The following GSE1 variants were observed in gnomAD, a reference collection of about 807,000 sequenced individuals.
GSE1 encodes the protein genetic suppressor element 1.
GSE1 carries 32 observed loss-of-function variants against 112.6 expected under a neutral mutation model. That is an observed-to-expected ratio of 0.28 (90% CI 0.21 to 0.38). The LOEUF is 0.38. Ranked by LOEUF, GSE1 falls within the 10% of genes least tolerant of loss-of-function variation. The pLI, the probability that GSE1 is intolerant of heterozygous loss-of-function variation, is 1.00. For synonymous variants in GSE1, 1,115 were observed against 735.6 expected, an observed-to-expected ratio of 1.52 and a Z score of -8.35; for missense variants, 2,348 against 1,699.2, an observed-to-expected ratio of 1.38 and a Z score of -6.71.
chr16:85,300,556 G>A (rs2045494380), intron 1 of GSE1, among the ~76,000 whole-genome samples: 1 of 152,218 alleles, frequency 6.6e-6, no homozygotes, highest in South Asian at 2.1e-4. Context: ...GCGGCCTTTG[G>A]TGTCTGGCTG....
chr16:85,266,875 G>A (rs1189755337), intron 1 of GSE1, among the ~76,000 whole-genome samples: 2 of 152,110 alleles, frequency 1.3e-5, no homozygotes, highest in African/African-American at 2.4e-5. Flanking sequence ...AGTGGAAACC[G>A]ACCTCCACGT....
intron 4 of GSE1, among the ~76,000 whole-genome samples, 164 bp from the exon 5 acceptor site, chr16:85,654,630 G>T (rs2051746730): frequency 6.6e-6 from 1 of 152,120 alleles, no homozygotes; most frequent in Admixed American, 6.5e-5. Flanking sequence ...GGTGGCAGTG[G>T]CAGCTCGCTC....
chr16:85,533,310 C>T (rs2044196757), intron 2 of GSE1, among the ~76,000 whole-genome samples: 1 of 151,560 alleles, frequency 6.6e-6, no homozygotes, highest in Admixed American at 6.6e-5. Context: ...ATCCCAACTA[C>T]TCAGGAGGCT....
chr16:85,228,983 C>T (rs1275250146), intron 1 of GSE1, among the ~76,000 whole-genome samples: 1 of 152,222 alleles, frequency 6.6e-6, no homozygotes, highest in Non-Finnish European at 1.5e-5. Flanking sequence ...CAGGAGGGAA[C>T]AACTGTTCCT....
chr16:85,538,154 C>G (rs1369673454), intron 2 of GSE1, among the ~76,000 whole-genome samples: 1 of 152,220 alleles, frequency 6.6e-6, no homozygotes, highest in African/African-American at 2.4e-5. Flanking sequence ...GCACGCTGGC[C>G]GTTCTGAGCC....
chr16:85,634,294 C>G (rs1187278766), intron 2 of GSE1, among the ~76,000 whole-genome samples, 162 bp downstream of exon 2: 1 of 152,268 alleles, frequency 6.6e-6, no homozygotes, highest in African/African-American at 2.4e-5. Context: ...GACCCTGGGC[C>G]AGTCCGCCTG....
chr16:85,623,181 G>A (rs2048847275), intron 1 of GSE1, among the ~76,000 whole-genome samples: 1 of 151,546 alleles, frequency 6.6e-6, no homozygotes, highest in Non-Finnish European at 1.5e-5. Flanking sequence ...ATAAAAACAG[G>A]TTGAAGGGTA....
At chr16:85,627,657 C>T (rs954581465) in intron 1 of GSE1, among the ~76,000 whole-genome samples, 4 of 151,738 alleles carry the variant, frequency 2.6e-5, no homozygotes, top group Admixed American at 6.6e-5. Flanking sequence ...TTGTACAGTG[C>T]GGAGACAGCC....
intron 2 of GSE1, among the ~76,000 whole-genome samples, chr16:85,483,598 C>CT (rs2050748547): frequency 6.6e-6 from 1 of 152,292 alleles, no homozygotes; most frequent in African/African-American, 2.4e-5. Flanking sequence ...TCTCCGCCCT[C>CT]TTGGTAGGCC....
At chr16:85,434,017 G>C (rs118164648) in intron 2 of GSE1, among the ~76,000 whole-genome samples, 1 of 152,222 alleles carries the variant, frequency 6.6e-6, no homozygotes, top group Non-Finnish European at 1.5e-5. Context: ...GCTCAGCTGG[G>C]CACAACCCAA....
At position 85,674,527 on chromosome 16, in the gene GSE1, A is replaced by T. The variant is rs1043400850; in HGVS notation, c.*1988A>T. On this transcript the variant is annotated 3_prime_UTR_variant, in exon 16 of 16. Transcript: ENST00000253458. ...AAATCTCACTGGATTTCTCCACTGA[A>T]AACCTACTTGAGGTTTCTGGTCTGA... is the stretch of plus-strand genomic sequence containing the variant. 14 of 152,330 alleles carry T rather than the reference A, an allele frequency of 9.2e-5. No homozygotes were observed. The highest frequency in any genetic ancestry group is 3.4e-4 in the African/African-American group (14 of 41,560). The allele number at this position is 152,330 out of a possible 1,614,324, so 9.4% of individuals were successfully genotyped here.
intron 2 of GSE1, among the ~76,000 whole-genome samples, chr16:85,368,100 C>T (rs1467583712): frequency 4.6e-5 from 7 of 152,060 alleles, no homozygotes; most frequent in African/African-American, 4.8e-5. Flanking sequence ...GTGATCCACC[C>T]GCCTCAGCCT....
chr16:85,190,508 C>T (rs2143436110), intron 1 of GSE1, among the ~76,000 whole-genome samples: 1 of 152,314 alleles, frequency 6.6e-6, no homozygotes, highest in Non-Finnish European at 1.5e-5. Flanking sequence ...TTTCACTTGT[C>T]TTTGTATTTT....
At chr16:85,335,980 C>G (rs1447911684) in intron 1 of GSE1, among the ~76,000 whole-genome samples, 1 of 152,150 alleles carries the variant, frequency 6.6e-6, no homozygotes, top group Non-Finnish European at 1.5e-5. Flanking sequence ...CCCAGGAGGA[C>G]AGAGCCAGGG....
intron 2 of GSE1, among the ~76,000 whole-genome samples, chr16:85,432,217 C>G (rs1415843384): frequency 6.6e-6 from 1 of 152,234 alleles, no homozygotes; most frequent in Non-Finnish European, 1.5e-5. Context: ...CCAGAACATT[C>G]TGCCATTGGC....
chr16:85,254,479 C>G (rs1906853361), intron 1 of GSE1, among the ~76,000 whole-genome samples: 2 of 152,208 alleles, frequency 1.3e-5, no homozygotes, highest in African/African-American at 4.8e-5. Flanking sequence ...AGCATGACCC[C>G]CCCACTCGGA....
chr16:85,204,002 C>T (rs1179563682), intron 1 of GSE1, among the ~76,000 whole-genome samples: 1 of 152,166 alleles, frequency 6.6e-6, no homozygotes, highest in Non-Finnish European at 1.5e-5. Flanking sequence ...TGGGCTCAAG[C>T]AGTCTTTCTG....
chr16:85,397,158 A>T (rs2047985237), intron 2 of GSE1, among the ~76,000 whole-genome samples: 1 of 152,108 alleles, frequency 6.6e-6, no homozygotes, highest in Non-Finnish European at 1.5e-5. Context: ...GGGAGACTTG[A>T]TTTCCCACAC....
Position 85,656,434 on chromosome 16 carries a change from C to G in GSE1, c.1081C>G (p.Arg361Gly). The change falls in exon 7 of 16, where the codon CGT becomes GGT. Residue 361 changes from arginine to glycine, a missense_variant. Coordinates refer to ENST00000253458, the MANE Select transcript of GSE1 (RefSeq NM_014615.5). Reference protein sequence around the residue: ...READREREKEREREREKEREQ... With the variant: ...READREREKEGEREREKEREQ... ...GGCTGACCGCGAGCGGGAGAAGGAA[C>G]GTGAGCGCGAACGCGAGAAGGAGCG... 2 of 1,569,426 alleles carry G rather than the reference C, an allele frequency of 1.3e-6. No homozygotes were observed. Among genetic ancestry groups the G allele is most frequent in the Non-Finnish European group, 1.7e-6 (2 of 1,152,770 alleles).
Sources: gnomAD v4.1 joint callset for allele counts (sites outside exome capture counted in the v4.1 genomes callset) on GRCh38, gnomAD v4.1.1 for gene constraint, MANE v1.5 for transcripts, NCBI Gene and HGNC (gene_info 2026-07-23, HGNC 2026-07-21) for gene names.